The following ANO9 variants were observed in gnomAD, a reference collection of about 807,000 sequenced individuals.
The protein encoded by ANO9 is anoctamin-9.
In ANO9, 80 loss-of-function variants were observed where a neutral mutation model predicts 100.5. The observed-to-expected ratio is 0.80, with a 90% CI of 0.66 to 0.96. ANO9 has a LOEUF of 0.96. Among genes scored for constraint, ANO9 ranks in the 40% least tolerant of loss-of-function variants. The pLI, the probability that ANO9 is intolerant of heterozygous loss-of-function variation, is 0.00. For synonymous variants in ANO9, 473 were observed against 435.6 expected, an observed-to-expected ratio of 1.09 and a Z score of -1.07; for missense variants, 1,064 against 1,072.7, an observed-to-expected ratio of 0.99 and a Z score of 0.11.
chr11:419,384 A>C, intron 20 of ANO9, 198 bp downstream of exon 20: 1 of 1,420,616 alleles, frequency 7.0e-7, no homozygotes, highest in Non-Finnish European at 9.2e-7. Flanking sequence ...GGTCCTGGCC[A>C]GTTATCCCTG....
intron 15 of ANO9, among the ~76,000 whole-genome samples, chr11:424,620 A>G (rs1848388118): frequency 1.3e-5 from 2 of 152,240 alleles, no homozygotes; most frequent in Admixed American, 6.5e-5. Context: ...TTTAATACGA[A>G]TGAATAACCA....
In ANO9 at chr11:431,787, G is replaced by A. The variant is rs1387640684; in HGVS notation, c.466-20C>T. 6 of 1,612,414 alleles carry A rather than the reference G, an allele frequency of 3.7e-6. No individual in the cohort carries two copies. The highest frequency in any genetic ancestry group is 5.1e-6 in the Non-Finnish European group (6 of 1,179,540). On this transcript the variant is annotated intron_variant, in intron 6 of 22. Transcript: ENST00000332826. ...CTCCCCCTGGCTCGGGTGACAGAGA[G>A]TGAGAGCCCCCATCCCAGGGTCCCA... is the stretch of plus-strand genomic sequence containing the variant.
At position 433,299 on chromosome 11, in the gene ANO9, G is replaced by T. The variant is rs779928173; in HGVS notation, c.350+15C>A. ...AGGGGTTCTCCTGGCCACGGCTCTGGGTGCAGCCTCTCACCTCGTGGTGAC... is the reference window on the plus strand; with the variant it reads ...AGGGGTTCTCCTGGCCACGGCTCTGTGTGCAGCCTCTCACCTCGTGGTGAC... On this transcript the variant is annotated intron_variant, in intron 4 of 22. Transcript: ENST00000332826. 6.2e-7 allele frequency: 1 copy of T among 1,610,246 alleles called. No individual in the cohort carries two copies. The highest frequency in any genetic ancestry group is 8.5e-7 in the Non-Finnish European group (1 of 1,178,708).
Position 420,940 on chromosome 11 carries a change from C to A in ANO9, c.1490+5G>T. 1.2e-6 allele frequency: 2 copies of A among 1,602,680 alleles called. No homozygotes were observed. The highest frequency in any genetic ancestry group is 1.7e-6 in the Non-Finnish European group (2 of 1,173,562). The stretch of plus-strand genomic sequence containing the variant: ...TCCCGGGGCTGGGCGGGGGTCGGCA[C>A]TCACGGGACCAGGTACTCGACGCAG... On this transcript the variant is annotated splice_donor_5th_base_variant and intron_variant, in intron 17 of 22. Coordinates refer to ENST00000332826, the MANE Select transcript of ANO9 (RefSeq NM_001012302.3).
At chr11:429,437 C>A (rs920321110) in intron 11 of ANO9, 133 bp downstream of exon 11, 8 of 1,491,598 alleles carry the variant, frequency 5.4e-6, no homozygotes, top group South Asian at 1.3e-5. Flanking sequence ...CCAGGACACA[C>A]GCCCCACATG....
At position 421,020 on chromosome 11, in the gene ANO9, A is replaced by G; in HGVS notation, c.1415T>C (p.Met472Thr). 1 of 1,604,526 alleles carries G rather than the reference A, an allele frequency of 6.2e-7. No individual in the cohort carries two copies. Among genetic ancestry groups the G allele is most frequent in the Non-Finnish European group, 8.5e-7 (1 of 1,173,418 alleles). Residue 472 changes from methionine to threonine, a missense_variant, in exon 17 of 23, where the codon ATG (methionine) becomes ACG (threonine). Met to Thr is a moderately conservative substitution (Grantham distance 81, BLOSUM62 -1). Transcript: ENST00000332826. This position sits in a 1 kb window ranked among gnomAD's most constrained non-coding sequence, Gnocchi z 6.8. ...LEECHASGCMMDLFVQMAIIM... is the reference protein window; with the variant it reads ...LEECHASGCMTDLFVQMAIIM... ...GATGGCCATCTGCACGAAGAGGTCC[A>G]TCATGCAGCCGCTGGCGTGGCACTG...
chr11:423,363 G>A (rs914220448), intron 15 of ANO9, among the ~76,000 whole-genome samples: 1 of 152,132 alleles, frequency 6.6e-6, no homozygotes, highest in African/African-American at 2.4e-5. Context: ...GGTGTATGAC[G>A]AAGAAGGCAT....
rs1847948282 is a variant in ANO9 at position 417,954 on chromosome 11, C to G, written c.*417G>C. On this transcript the variant is annotated 3_prime_UTR_variant, in exon 23 of 23. Coordinates refer to ENST00000332826, the MANE Select transcript of ANO9 (RefSeq NM_001012302.3). The surrounding 1 kb of genome is among the most constrained non-coding windows in gnomAD (Gnocchi z 4.2). ...AGCAAGACAGACAGGCTTAATTTTA[C>G]TGCAGAAACGGGTTGGCTGAAGGGA... is the stretch of plus-strand genomic sequence containing the variant. 5.4e-6 allele frequency: 1 copy of G among 183,866 alleles called. No homozygotes were observed. The highest frequency in any genetic ancestry group is 1.5e-4 in the South Asian group (1 of 6,822). 11.4% of individuals were successfully genotyped at this position (183,866 alleles called of 1,614,324 possible).
At chr11:437,986 G>A (rs1461753741) in intron 1 of ANO9, among the ~76,000 whole-genome samples, 2 of 152,156 alleles carry the variant, frequency 1.3e-5, no homozygotes, top group African/African-American at 4.8e-5. Flanking sequence ...AGACCAGGCA[G>A]GACTTTCGGA....
At chr11:437,729 C>T (rs1003771410) in intron 1 of ANO9, among the ~76,000 whole-genome samples, 2 of 152,216 alleles carry the variant, frequency 1.3e-5, no homozygotes, top group Non-Finnish European at 2.9e-5. Flanking sequence ...GTGGGCATCA[C>T]GGCTCCAGCT....
intron 1 of ANO9, among the ~76,000 whole-genome samples, chr11:439,476 CA>C (rs1845675363): frequency 7.1e-6 from 1 of 141,524 alleles, no homozygotes; most frequent in Non-Finnish European, 1.5e-5. Context: ...GAGGCCTGGC[CA>C]GGGGGTCCCA....
At position 434,519 on chromosome 11, in the gene ANO9, C is replaced by T. The variant is rs377732480; in HGVS notation, c.7-421G>A. ...ACTCCCAGTGCTGCGCGTATCAGAG[C>T]ACGGGTTTGGAAACCTGTTGGACTG... On this transcript the variant is annotated intron_variant, in intron 1 of 22. Coordinates refer to ENST00000332826, the MANE Select transcript of ANO9 (RefSeq NM_001012302.3). 2.2e-4 allele frequency among the ~76,000 whole-genome samples: 34 copies of T among 152,342 alleles called. No homozygotes were observed. The South Asian group carries it at 6.8e-3, about 31-fold the overall frequency.
At chr11:431,930 CA>C (rs775740506) in intron 5 of ANO9, 24 bp from the exon 6 acceptor site, 5 of 1,611,458 alleles carry the variant, frequency 3.1e-6, no homozygotes, top group East Asian at 2.2e-5. Flanking sequence ...GTTCACGAGT[CA>C]GGGGGAGTGA....
chr11:435,819 G>T (rs1325257619), intron 1 of ANO9, among the ~76,000 whole-genome samples: 1 of 144,062 alleles, frequency 6.9e-6, no homozygotes, highest in Non-Finnish European at 1.5e-5. Flanking sequence ...GTATAGCATA[G>T]CATAACATAA....
intron 15 of ANO9, among the ~76,000 whole-genome samples, chr11:425,453 C>T (rs555344422): frequency 6.7e-6 from 1 of 148,668 alleles, no homozygotes; most frequent in Non-Finnish European, 1.5e-5. Flanking sequence ...TCAAAAACAA[C>T]AAAAGATAAA....
rs1046487144 is a variant in ANO9, at chr11:422,349, C to T, written c.1335-1151G>A. On this transcript the variant is annotated intron_variant, in intron 15 of 22. Transcript: ENST00000332826. This position sits in a 1 kb window ranked among gnomAD's most constrained non-coding sequence, Gnocchi z 4.3. ...CGTGCTCATTCTTGGAGCCTGTGAC[C>T]ACGTTCTTACCTGGCAAAGGAATTT... Among the ~76,000 whole-genome samples the T allele has an allele frequency of 2.6e-5, 4 of 152,220 alleles. No homozygotes were observed. Among genetic ancestry groups the T allele is most frequent in the Non-Finnish European group, 5.9e-5 (4 of 68,044 alleles).
In ANO9 at chr11:420,872, G is replaced by C. The variant is rs748117258; in HGVS notation, c.1491-12C>G. The C allele has an allele frequency of 1.3e-6, 2 of 1,589,218 alleles. No individual in the cohort carries two copies. Among genetic ancestry groups the C allele is most frequent in the Non-Finnish European group, 1.7e-6 (2 of 1,170,096 alleles). ...TGTGGGTCACCCACCTGCGGGGAGA[G>C]CTGCGTGGCAGGGAGGGCGCAGGGG... On this transcript the variant is annotated splice_polypyrimidine_tract_variant and intron_variant, in intron 17 of 22. Transcript: ENST00000332826.
At chr11:429,161 C>T (rs183147186) in intron 11 of ANO9, among the ~76,000 whole-genome samples, 10 of 131,128 alleles carry the variant, frequency 7.6e-5, no homozygotes, top group East Asian at 2.5e-4. Flanking sequence ...TCACCCCACA[C>T]GTGGGGAGAC....
At chr11:425,375 T>C (rs1224052124) in intron 15 of ANO9, among the ~76,000 whole-genome samples, 1 of 149,830 alleles carries the variant, frequency 6.7e-6, no homozygotes, top group African/African-American at 2.5e-5. Context: ...CTGGATACAA[T>C]TGATAAAGAC....
Sources: allele counts gnomAD v4.1 joint callset (sites outside exome capture counted in the v4.1 genomes callset), GRCh38; gene constraint gnomAD v4.1.1; non-coding constraint Gnocchi (gnomAD v3.1); transcripts MANE v1.5; gene names NCBI Gene and HGNC (gene_info 2026-07-23, HGNC 2026-07-21).